Variants in RUNX2 observed in about 807,000 individuals in gnomAD.
RUNX2 encodes the protein RUNX family transcription factor 2.
Under a neutral mutation model 51.7 loss-of-function variants are expected in RUNX2, and 10 were observed. The ratio of observed to expected loss-of-function variants is 0.19; its 90% CI spans 0.12 to 0.33. RUNX2 has a LOEUF of 0.33. Ranked by LOEUF, RUNX2 falls within the 10% of genes least tolerant of loss-of-function variation. RUNX2 has a pLI of 1.00. For missense variants in RUNX2, 562 were observed against 691.3 expected (o/e 0.81, Z 2.10); for synonymous variants, 276 against 273.6 (o/e 1.01, Z -0.09).
intron 5 of RUNX2, among the ~76,000 whole-genome samples, chr6:45,455,744 T>A (rs923599608): frequency 1.3e-5 from 2 of 152,226 alleles, no homozygotes; most frequent in African/African-American, 4.8e-5. Flanking sequence ...CGCCTTTAAG[T>A]TCATTGGGCT....
chr6:45,379,137 G>A (rs1338212965), intron 2 of RUNX2, among the ~76,000 whole-genome samples: 2 of 152,166 alleles, frequency 1.3e-5, no homozygotes, highest in Non-Finnish European at 2.9e-5. Flanking sequence ...TGTTGTGTTT[G>A]ATTCTCTTTA....
In RUNX2 at chr6:45,328,721, G is replaced by A; in HGVS notation, c.-6G>A. 1 of 1,612,000 alleles carries A rather than the reference G, an allele frequency of 6.2e-7. No homozygotes were observed. Among genetic ancestry groups the A allele is most frequent in the Non-Finnish European group, 8.5e-7 (1 of 1,178,630 alleles). ...CAAGTTCTATCTGAAAAAAAAAGGA[G>A]GGACTATGGCATCAAACAGCCTCTT... On this transcript the variant is annotated 5_prime_UTR_variant, in exon 2 of 9. Coordinates refer to ENST00000647337, the MANE Select transcript of RUNX2 (RefSeq NM_001024630.4).
chr6:45,527,669 A>G (rs1801712425), intron 7 of RUNX2, among the ~76,000 whole-genome samples: 1 of 152,240 alleles, frequency 6.6e-6, no homozygotes, highest in Non-Finnish European at 1.5e-5. Context: ...TTTATTAAAC[A>G]AATACAGAAC....
chr6:45,407,405 T>TA (rs1327057633), intron 2 of RUNX2, among the ~76,000 whole-genome samples: 6 of 152,160 alleles, frequency 3.9e-5, no homozygotes, highest in Non-Finnish European at 8.8e-5. Context: ...CTTCATCCAT[T>TA]AAAAAAATAC....
intron 5 of RUNX2, among the ~76,000 whole-genome samples, chr6:45,438,759 G>T (rs1185573151): frequency 1.3e-5 from 2 of 152,180 alleles, no homozygotes; most frequent in Middle Eastern, 3.4e-3. Flanking sequence ...AATGACCGAG[G>T]TTTGCTTCCC....
At chr6:45,411,476 T>G (rs939792414) in intron 2 of RUNX2, among the ~76,000 whole-genome samples, 1 of 152,188 alleles carries the variant, frequency 6.6e-6, no homozygotes, top group Non-Finnish European at 1.5e-5. Context: ...ATTTTTATGG[T>G]TGAGTTTGTA....
chr6:45,532,438 G>A (rs1356759163), intron 7 of RUNX2, among the ~76,000 whole-genome samples: 3 of 151,872 alleles, frequency 2.0e-5, no homozygotes, highest in Admixed American at 6.6e-5. Flanking sequence ...GGACTCCACC[G>A]TGATCACCCT....
chr6:45,337,107 T>C (rs766159044), intron 2 of RUNX2, among the ~76,000 whole-genome samples: 1 of 151,726 alleles, frequency 6.6e-6, no homozygotes, highest in Non-Finnish European at 1.5e-5. Flanking sequence ...GATATACATA[T>C]GCTTTCTAAA....
At chr6:45,392,384 C>T (rs1797490171) in intron 2 of RUNX2, among the ~76,000 whole-genome samples, 1 of 152,052 alleles carries the variant, frequency 6.6e-6, no homozygotes, top group South Asian at 2.1e-4. Flanking sequence ...GTGGCATCCA[C>T]CTATATTCCT....
intron 2 of RUNX2, among the ~76,000 whole-genome samples, chr6:45,342,174 G>A (rs553012316): frequency 6.6e-6 from 1 of 152,144 alleles, no homozygotes; most frequent in African/African-American, 2.4e-5. Flanking sequence ...AAATAGGAAA[G>A]GGTTTTTATT....
At chr6:45,526,994 A>T (rs955679652) in intron 7 of RUNX2, among the ~76,000 whole-genome samples, 1 of 152,204 alleles carries the variant, frequency 6.6e-6, no homozygotes, top group Non-Finnish European at 1.5e-5. Flanking sequence ...GAAAATAATA[A>T]AATATTATCT....
At chr6:45,387,866 A>G (rs1299529760) in intron 2 of RUNX2, among the ~76,000 whole-genome samples, 1 of 152,192 alleles carries the variant, frequency 6.6e-6, no homozygotes, top group African/African-American at 2.4e-5. Context: ...AGCCAGTTGA[A>G]GGTAATCGTT....
intron 5 of RUNX2, among the ~76,000 whole-genome samples, chr6:45,446,549 A>G (rs1799004907): frequency 6.6e-6 from 1 of 151,042 alleles, no homozygotes; most frequent in African/African-American, 2.4e-5. Context: ...CAAGAAAGAT[A>G]ATTCCTGATA....
rs140634758 is a variant in RUNX2, at chr6:45,457,961, G to A, written c.685+19910G>A. 2.1e-4 allele frequency among the ~76,000 whole-genome samples: 32 copies of A among 152,062 alleles called. No individual in the cohort carries two copies. In the East Asian group the frequency reaches 3.9e-3, roughly 18 times the overall value. ...GGCATATGAAGGTTTAACAGGCAAT[G>A]AAGGCTCTCTGACAGTCTATATGGG... is the stretch of plus-strand genomic sequence containing the variant. On this transcript the variant is annotated intron_variant, in intron 5 of 8. Coordinates refer to ENST00000647337, the MANE Select transcript of RUNX2 (RefSeq NM_001024630.4).
At position 45,473,434 on chromosome 6, in the gene RUNX2, A is replaced by T. The variant is rs1216901221; in HGVS notation, c.686-18507A>T. 6.3e-3 allele frequency among the ~76,000 whole-genome samples: 962 copies of T among 152,292 alleles called. 8 individuals carry two copies. The highest frequency in any genetic ancestry group is 0.022 in the African/African-American group (900 of 41,554). ...AGTTGTTACTTAACTTGGAAGATGG[A>T]CACATCTCTCTCCTTTTCTTTGACC... On this transcript the variant is annotated intron_variant, in intron 5 of 8. Transcript: ENST00000647337.
intron 5 of RUNX2, among the ~76,000 whole-genome samples, chr6:45,458,032 T>G (rs1305500347): frequency 6.6e-6 from 1 of 151,384 alleles, no homozygotes; most frequent in Non-Finnish European, 1.5e-5. Flanking sequence ...ATTTTTTTTT[T>G]TTTTTTGACA....
At chr6:45,439,566 T>C (rs1263895494) in intron 5 of RUNX2, among the ~76,000 whole-genome samples, 1 of 152,210 alleles carries the variant, frequency 6.6e-6, no homozygotes, top group Non-Finnish European at 1.5e-5. Flanking sequence ...TAGTTGGTTT[T>C]TAAAATGTAG....
At chr6:45,543,041 C>A (rs1341898852) in intron 7 of RUNX2, among the ~76,000 whole-genome samples, 1 of 152,164 alleles carries the variant, frequency 6.6e-6, no homozygotes, top group Non-Finnish European at 1.5e-5. Flanking sequence ...TAGCCTAAAG[C>A]TTTACAAGAG....
intron 2 of RUNX2, among the ~76,000 whole-genome samples, chr6:45,387,807 G>A (rs75953810): frequency 0.02 from 3,067 of 152,300 alleles, 55 homozygotes; most frequent in South Asian, 0.084. Context: ...CAGAGTTTCA[G>A]AGAGGCATAT....
Sources: gnomAD v4.1 joint callset for allele counts (sites outside exome capture counted in the v4.1 genomes callset) on GRCh38, gnomAD v4.1.1 for gene constraint, MANE v1.5 for transcripts, NCBI Gene and HGNC (gene_info 2026-07-23, HGNC 2026-07-21) for gene names.